NPSR1: variants seen among roughly 807,000 people sequenced by gnomAD.
NPSR1 encodes neuropeptide S receptor 1.
A neutral mutation model predicts 46.9 loss-of-function variants in NPSR1; 48 were observed. The ratio of observed to expected loss-of-function variants is 1.02; its 90% CI spans 0.81 to 1.30. NPSR1 has a LOEUF of 1.30. Ranked by LOEUF, NPSR1 falls within the 50% of genes most tolerant of loss-of-function variation. The probability of loss-of-function intolerance (pLI) is 0.00; values close to 1 mark genes in which losing one functional copy is unlikely to be tolerated. For synonymous variants in NPSR1, 176 were observed against 168.1 expected (o/e 1.05, Z -0.36); for missense variants, 450 against 449.5 (o/e 1.00, Z -0.01).
intron 2 of NPSR1, among the ~76,000 whole-genome samples, chr7:34,685,178 A>C (rs1458448582): frequency 6.6e-6 from 1 of 152,220 alleles, no homozygotes; most frequent in East Asian, 1.9e-4. Flanking sequence ...AAGTAATATA[A>C]TCTCAAGGAT....
chr7:34,744,199 A>G lies in NPSR1; in HGVS notation c.281-34263A>G, dbSNP rs145176215. Among the ~76,000 whole-genome samples the G allele has an allele frequency of 5.3e-3, 802 of 152,334 alleles. 8 individuals are homozygous for G. Among genetic ancestry groups the G allele is most frequent in the African/African-American group, 0.018 (732 of 41,566 alleles). ...CTATATCTTCCTGGTGAATTTAACT[A>G]GTATTCAATATAGAGTATCTCTCTT... On this transcript the variant is annotated intron_variant, in intron 2 of 8. Transcript: ENST00000360581.
intron 2 of NPSR1, among the ~76,000 whole-genome samples, chr7:34,742,266 A>G (rs538351698): frequency 1.4e-4 from 22 of 152,080 alleles, no homozygotes; most frequent in African/African-American, 4.6e-4. Flanking sequence ...TTCATCACCC[A>G]GATATTAAGC....
rs113103915 is a variant in NPSR1 at position 34,694,707 on chromosome 7, A to T, written c.280+10023A>T. ...GAATTTTAAAAGACCCTGAATAGCC[A>T]AAGTAATTCTTTTCTTTTTTTGAAA... On this transcript the variant is annotated intron_variant, in intron 2 of 8. Transcript: ENST00000360581. 2.9e-3 allele frequency among the ~76,000 whole-genome samples: 441 copies of T among 152,300 alleles called. 3 individuals are homozygous for T. Among genetic ancestry groups the T allele is most frequent in the African/African-American group, 0.01 (416 of 41,568 alleles).
At chr7:34,766,580 T>A (rs903888400) in intron 2 of NPSR1, among the ~76,000 whole-genome samples, 28 of 151,782 alleles carry the variant, frequency 1.8e-4, no homozygotes, top group East Asian at 1.3e-3. Flanking sequence ...ATGAATTATT[T>A]TTTTTTTTTT....
chr7:34,658,525 G>T lies in NPSR1; in HGVS notation c.113G>T (p.Gly38Val), dbSNP rs781753839. 6.2e-6 allele frequency: 10 copies of T among 1,614,200 alleles called. No homozygotes were observed. The Admixed American group carries it at 6.7e-5, about 11-fold the overall frequency. ...ETVTFTEVVE[G>V]KEWGSFYYSF... is the part of the protein sequence containing the mutation. Reference sequence around the variant, plus strand: ...GTGACTTTTACTGAAGTGGTGGAAGGAAAGGAATGGGGTTCCTTCTACTAC... The same window carrying T: ...GTGACTTTTACTGAAGTGGTGGAAGTAAAGGAATGGGGTTCCTTCTACTAC... The change falls in exon 1 of 9, where the codon GGA becomes GTA. Residue 38 changes from glycine (G) to valine (V), a missense_variant. Coordinates refer to ENST00000360581, the MANE Select transcript of NPSR1 (RefSeq NM_207172.2).
chr7:34,793,084 T>C (rs1788013608), intron 3 of NPSR1, among the ~76,000 whole-genome samples: 2 of 151,802 alleles, frequency 1.3e-5, no homozygotes, highest in African/African-American at 4.8e-5. Flanking sequence ...CCTAGCTACA[T>C]GGGAGGCTGA....
chr7:34,843,320 G>A (rs183740711), intron 6 of NPSR1, among the ~76,000 whole-genome samples: 3 of 152,210 alleles, frequency 2.0e-5, no homozygotes, highest in Admixed American at 6.5e-5. Context: ...AACAGAGGGC[G>A]AAAGCGAGCA....
At position 34,658,514 on chromosome 7, in the gene NPSR1, A is replaced by G. The variant is rs764820626; in HGVS notation, c.102A>G (p.Glu34=). ...VACTETVTFT[E]VVEGKEWGSF... is the part of the protein sequence containing the mutation. ...GCACTGAAACAGTGACTTTTACTGA[A>G]GTGGTGGAAGGAAAGGAATGGGGTT... The change falls in exon 1 of 9, where the codon GAA becomes GAG. Residue 34 remains glutamate, a synonymous_variant. Transcript: ENST00000360581. The G allele has an allele frequency of 6.8e-6, 11 of 1,614,034 alleles. No individual in the cohort carries two copies. In the East Asian group the frequency reaches 2.5e-4, roughly 36 times the overall value.
At chr7:34,827,642 G>GGGC in intron 5 of NPSR1, 40 bp downstream of exon 5, 1 of 605,470 alleles carries the variant, frequency 1.7e-6, no homozygotes, top group Non-Finnish European at 2.7e-6. Context: ...GGGGGGTGGG[G>GGGC]CGGGGGGGGC....
chr7:34,851,328 T>A (rs1457681146), downstream of NPSR1, among the ~76,000 whole-genome samples: 1 of 150,456 alleles, frequency 6.6e-6, no homozygotes, highest in Non-Finnish European at 1.5e-5. Context: ...TTTCATAAAC[T>A]CTTTTCAATT....
chr7:34,792,705 A>G (rs1374922415), intron 3 of NPSR1, among the ~76,000 whole-genome samples: 1 of 128,002 alleles, frequency 7.8e-6, no homozygotes, highest in African/African-American at 3.1e-5. Flanking sequence ...ATATACGTAT[A>G]TATATATATT....
At chr7:34,785,091 T>C (rs1366618704) in intron 3 of NPSR1, among the ~76,000 whole-genome samples, 2 of 151,852 alleles carry the variant, frequency 1.3e-5, no homozygotes, top group African/African-American at 2.4e-5. Flanking sequence ...CGTATGTTTA[T>C]TGTGGCACTA....
chr7:34,866,112 C>T (rs1303749761), intron 8 of NPSR1, among the ~76,000 whole-genome samples: 1 of 151,880 alleles, frequency 6.6e-6, no homozygotes, highest in African/African-American at 2.4e-5. Context: ...GGACAATACC[C>T]TGCATAGCCC....
chr7:34,694,349 T>C (rs1793409737), intron 2 of NPSR1, among the ~76,000 whole-genome samples: 2 of 152,204 alleles, frequency 1.3e-5, no homozygotes, highest in African/African-American at 2.4e-5. Context: ...GTAGCATGTC[T>C]ATACACCAGT....
At chr7:34,751,730 C>CCTGACTGGTT in intron 2 of NPSR1, 4 of 1,585,236 alleles carry the variant, frequency 2.5e-6, no homozygotes, top group Non-Finnish European at 3.5e-6. Context: ...TTCGGGTCCC[C>CCTGACTGGTT]CTGACTGGTT....
chr7:34,771,974 A>G (rs1480662822), intron 2 of NPSR1, among the ~76,000 whole-genome samples: 2 of 152,212 alleles, frequency 1.3e-5, no homozygotes, highest in Non-Finnish European at 2.9e-5. Flanking sequence ...AAGTCTACCT[A>G]GAGTTATGTA....
intron 4 of NPSR1, among the ~76,000 whole-genome samples, chr7:34,815,107 T>C (rs902291109): frequency 6.6e-6 from 1 of 152,134 alleles, no homozygotes; most frequent in Admixed American, 6.6e-5. Context: ...AGGTCGGTAA[T>C]AACAAACTAC....
chr7:34,667,265 C>T (rs77119724), intron 1 of NPSR1, among the ~76,000 whole-genome samples: 2,559 of 152,312 alleles, frequency 0.017, 33 homozygotes, highest in Non-Finnish European at 0.029. Context: ...GGGTACAGAA[C>T]AATAACCACC....
intron 2 of NPSR1, among the ~76,000 whole-genome samples, chr7:34,742,815 T>C (rs547539442): frequency 6.6e-6 from 1 of 152,322 alleles, no homozygotes; most frequent in East Asian, 1.9e-4. Flanking sequence ...GTCACCAGCA[T>C]CTGTTATTTT....
Sources: allele counts gnomAD v4.1 joint callset (sites outside exome capture counted in the v4.1 genomes callset), GRCh38; gene constraint gnomAD v4.1.1; transcripts MANE v1.5; gene names NCBI Gene and HGNC (gene_info 2026-07-23, HGNC 2026-07-21).